The following RABGEF1 variants were observed in gnomAD, a reference collection of about 807,000 sequenced individuals.
RABGEF1 encodes RAB guanine nucleotide exchange factor 1, also known as rab5 GDP/GTP exchange factor.
In RABGEF1, 26 loss-of-function variants were observed where a neutral mutation model predicts 57.3. The ratio of observed to expected loss-of-function variants is 0.45; its 90% CI spans 0.33 to 0.63. The LOEUF (loss-of-function observed/expected upper bound fraction) is 0.63. Among genes scored for constraint, RABGEF1 ranks in the 20% least tolerant of loss-of-function variants. The probability of loss-of-function intolerance (pLI) is 0.02; values close to 1 mark genes in which losing one functional copy is unlikely to be tolerated. For synonymous variants in RABGEF1, 185 were observed against 210.7 expected (o/e 0.88, Z 1.06); for missense variants, 464 against 607.6 (o/e 0.76, Z 2.48).
At chr7:66,679,805 A>C (rs2116990873), upstream of RABGEF1, among the ~76,000 whole-genome samples, 1 of 152,216 alleles carries the variant, frequency 6.6e-6, no homozygotes, top group East Asian at 1.9e-4. Context: ...CAGGGTTGGC[A>C]GATTGCTTGA....
At chr7:66,732,247 G>A (rs1232840020) in intron 2 of RABGEF1, among the ~76,000 whole-genome samples, 1 of 152,324 alleles carries the variant, frequency 6.6e-6, no homozygotes, top group Non-Finnish European at 1.5e-5. Flanking sequence ...AGCTAGCCAT[G>A]GGGCTGAGCA....
At chr7:66,740,332 T>C (rs984480805), upstream of RABGEF1, 1 of 152,276 alleles carries the variant, frequency 6.6e-6, no homozygotes, top group African/African-American at 2.4e-5. Context: ...ACAGAGTTTC[T>C]GAAGCGTCCC....
chr7:66,681,696 G>A (rs554775157), upstream of RABGEF1, among the ~76,000 whole-genome samples: 3 of 152,300 alleles, frequency 2.0e-5, no homozygotes, highest in South Asian at 6.2e-4. Context: ...CAAACGATTG[G>A]CTTAAGACCC....
intron 1 of RABGEF1, among the ~76,000 whole-genome samples, chr7:66,690,073 A>G (rs1791291336): frequency 6.7e-6 from 1 of 149,148 alleles, no homozygotes; most frequent in Admixed American, 6.7e-5. Context: ...ACTGATCAAT[A>G]TTGTTTATAA....
At chr7:66,678,215 C>T (rs1357259319), upstream of RABGEF1, among the ~76,000 whole-genome samples, 1 of 152,166 alleles carries the variant, frequency 6.6e-6, no homozygotes, top group East Asian at 1.9e-4. Flanking sequence ...TCTCTTTCCC[C>T]TGCCCCTCCC....
At chr7:66,695,706 C>T (rs111833733) in intron 1 of RABGEF1, among the ~76,000 whole-genome samples, 5,996 of 152,238 alleles carry the variant, frequency 0.039, 161 homozygotes, top group East Asian at 0.085. Flanking sequence ...TGGCTCACAT[C>T]TGTAATCCTA....
At chr7:66,661,789 A>C in the RABGEF1 span, among the ~76,000 whole-genome samples, 1 of 152,236 alleles carries the variant, frequency 6.6e-6, no homozygotes, top group Non-Finnish European at 1.5e-5. Context: ...CATTGCCTTG[A>C]TGCTAGGGCC....
At chr7:66,772,169 T>A in intron 2 of RABGEF1, 91 bp downstream of exon 2, 1 of 1,066,538 alleles carries the variant, frequency 9.4e-7, no homozygotes, top group Non-Finnish European at 1.3e-6. Context: ...ACTTCTGCTT[T>A]GAGCTATCAG....
chr7:66,737,073 T>TGAGAGA (rs1279802653), upstream of RABGEF1, among the ~76,000 whole-genome samples: 33,179 of 116,564 alleles, frequency 0.28, 4,231 homozygotes, highest in East Asian at 0.4. Flanking sequence ...AGAGAGAGAG[T>TGAGAGA]GAGAGAGAGA....
intron 1 of RABGEF1, among the ~76,000 whole-genome samples, chr7:66,690,929 C>CA (rs35650421): frequency 0.4 from 57,589 of 144,616 alleles, 11,785 homozygotes; most frequent in East Asian, 0.59. Flanking sequence ...ACTAAAAATA[C>CA]AAAAAAAAAA....
At chr7:66,744,561 G>A (rs112455043) in intron 1 of RABGEF1, among the ~76,000 whole-genome samples, 6 of 150,908 alleles carry the variant, frequency 4.0e-5, no homozygotes, top group Non-Finnish European at 8.9e-5. Context: ...CCAGCTACTC[G>A]GGAGGCTGAG....
At chr7:66,742,279 C>A (rs1346193446) in intron 1 of RABGEF1, among the ~76,000 whole-genome samples, 2 of 152,208 alleles carry the variant, frequency 1.3e-5, no homozygotes, top group Non-Finnish European at 2.9e-5. Flanking sequence ...GTCACTGATT[C>A]ATATCCGCAG....
Position 66,716,030 on chromosome 7 carries a change from T to G in RABGEF1, c.-815+3806T>G, listed in dbSNP as rs1795353839. 5.3e-5 allele frequency among the ~76,000 whole-genome samples: 8 copies of G among 152,322 alleles called. No individual in the cohort carries two copies. The South Asian group carries it at 1.7e-3, about 32-fold the overall frequency. On this transcript the variant is annotated intron_variant and NMD_transcript_variant, in intron 2 of 9. Coordinates refer to the RABGEF1 transcript ENST00000607882. Reference sequence around the variant, plus strand: ...CTGATTTTCTATCTGTTCTGTCCATTCTTGAAGAGTCCAACTATAATTTTG... The same window carrying G: ...CTGATTTTCTATCTGTTCTGTCCATGCTTGAAGAGTCCAACTATAATTTTG...
intron 2 of RABGEF1, among the ~76,000 whole-genome samples, chr7:66,714,086 A>C (rs563946052): frequency 6.6e-6 from 1 of 152,324 alleles, no homozygotes; most frequent in Non-Finnish European, 1.5e-5. Context: ...TTTATACAAC[A>C]ATTTTGGAAG....
At chr7:66,690,443 A>C (rs892773286) in intron 1 of RABGEF1, among the ~76,000 whole-genome samples, 1 of 148,530 alleles carries the variant, frequency 6.7e-6, no homozygotes, top group Admixed American at 6.7e-5. Flanking sequence ...GGCTGGTCAC[A>C]GTGGCTCATG....
intron 2 of RABGEF1, among the ~76,000 whole-genome samples, chr7:66,729,737 C>T (rs1219656896): frequency 9.2e-5 from 14 of 152,234 alleles, no homozygotes; most frequent in Admixed American, 8.5e-4. Context: ...AATAACCAGG[C>T]ATGGGTCTGG....
At chr7:66,688,178 G>C (rs1322462465) in intron 1 of RABGEF1, among the ~76,000 whole-genome samples, 1 of 151,526 alleles carries the variant, frequency 6.6e-6, no homozygotes, top group African/African-American at 2.4e-5. Flanking sequence ...GGTTATGAGA[G>C]ACAAGGGAAT....
intron 1 of RABGEF1, among the ~76,000 whole-genome samples, chr7:66,700,888 C>G (rs924655650): frequency 2.0e-5 from 3 of 152,120 alleles, no homozygotes; most frequent in African/African-American, 7.2e-5. Flanking sequence ...TCCAGACTCT[C>G]ATACTGTGGG....
chr7:66,670,468 T>G, the RABGEF1 span, among the ~76,000 whole-genome samples: 1 of 103,998 alleles, frequency 9.6e-6, no homozygotes, highest in Admixed American at 1.3e-4. Flanking sequence ...TTTTTTTGGC[T>G]AGAGGACACA....
Sources: allele counts gnomAD v4.1 joint callset (sites outside exome capture counted in the v4.1 genomes callset), GRCh38; gene constraint gnomAD v4.1.1; transcripts MANE v1.5; gene names NCBI Gene and HGNC (gene_info 2026-07-23, HGNC 2026-07-21).